The following UNC13B variants were observed in gnomAD, a reference collection of about 807,000 sequenced individuals.
The protein encoded by UNC13B is unc-13 homolog B.
Under a neutral mutation model 211.0 loss-of-function variants are expected in UNC13B, and 144 were observed. The ratio of observed to expected loss-of-function variants is 0.68; its 90% CI spans 0.60 to 0.78. UNC13B has a LOEUF of 0.78. UNC13B is among the 30% of genes least tolerant of loss of function. The pLI is 0.00. For synonymous variants in UNC13B, 709 were observed against 725.8 expected (o/e 0.98, Z 0.37); for missense variants, 1,777 against 2,002.0 (o/e 0.89, Z 2.14).
chr9:35,162,786 A>G (rs1454872909), intron 1 of UNC13B, among the ~76,000 whole-genome samples: 1 of 152,186 alleles, frequency 6.6e-6, no homozygotes, highest in African/African-American at 2.4e-5. Flanking sequence ...CACTTCCCTG[A>G]ACACTAACCG....
intron 7 of UNC13B, among the ~76,000 whole-genome samples, chr9:35,261,061 C>G (rs1218055393): frequency 2.6e-5 from 4 of 152,172 alleles, no homozygotes; most frequent in African/African-American, 9.6e-5. Context: ...TTTGCCTGCT[C>G]CCTCGTATAT....
chr9:35,304,510 C>G lies in UNC13B; in HGVS notation c.5106C>G (p.Asn1702Lys). Residue 1702 changes from asparagine to lysine, a missense_variant, in exon 9 of 40, where the codon AAC becomes AAG. Coordinates refer to ENST00000635942, the MANE Select transcript of UNC13B (RefSeq NM_001371189.2). ...SRDQIIERDK[N>K]QPLAEDSSVH... ...ATCAAATTATAGAGAGAGATAAAAA[C>G]CAGCCTCTAGCTGAAGATTCATCAG... The G allele has an allele frequency of 2.5e-6, 1 of 398,732 alleles. No individual in the cohort carries two copies. The highest frequency in any genetic ancestry group is 4.4e-5 in the Admixed American group (1 of 22,688). 24.7% of individuals were successfully genotyped at this position (398,732 alleles called of 1,614,324 possible).
intron 1 of UNC13B, among the ~76,000 whole-genome samples, chr9:35,200,265 A>G (rs1211578786): frequency 6.6e-6 from 1 of 152,222 alleles, no homozygotes; most frequent in Non-Finnish European, 1.5e-5. Context: ...GAAGTCAGGT[A>G]GCATGATGCC....
intron 7 of UNC13B, among the ~76,000 whole-genome samples, chr9:35,286,125 T>C (rs1828777309): frequency 6.6e-6 from 1 of 152,122 alleles, no homozygotes; most frequent in Non-Finnish European, 1.5e-5. Flanking sequence ...TAGAATTTTA[T>C]GGATACTAGG....
At position 35,307,366 on chromosome 9, in the gene UNC13B, G is replaced by A. The variant is rs1169891263; in HGVS notation, c.7962G>A (p.Gln2654=). ...CAGAGAACTTTGCGCTGCCAGCACA[G>A]TTGCATCCAGATCCTACCTGCATTG... ...LEAENFALPA[Q]LHPDPTCIAE... The change falls in exon 9 of 40, where the codon CAG becomes CAA. Residue 2654 remains glutamine, a synonymous_variant. Coordinates refer to ENST00000635942, the MANE Select transcript of UNC13B (RefSeq NM_001371189.2). The A allele has an allele frequency of 2.5e-6, 1 of 398,870 alleles. No individual in the cohort carries two copies. Among genetic ancestry groups the A allele is most frequent in the Non-Finnish European group, 4.4e-6 (1 of 226,096 alleles). The allele number at this position is 398,870 out of a possible 1,614,324, so 24.7% of individuals were successfully genotyped here.
At chr9:35,183,294 A>G (rs1822080409) in intron 1 of UNC13B, among the ~76,000 whole-genome samples, 1 of 104,342 alleles carries the variant, frequency 9.6e-6, no homozygotes, top group African/African-American at 3.8e-5. Context: ...GGCCGGGCAG[A>G]GGCGCCCCTC....
At chr9:35,220,708 G>A (rs1824522441) in intron 1 of UNC13B, among the ~76,000 whole-genome samples, 1 of 152,122 alleles carries the variant, frequency 6.6e-6, no homozygotes, top group African/African-American at 2.4e-5. Flanking sequence ...CTTGGCTATT[G>A]TGAAATGGTG....
intron 7 of UNC13B, among the ~76,000 whole-genome samples, chr9:35,286,807 G>T (rs180976922): frequency 6.6e-6 from 1 of 152,248 alleles, no homozygotes; most frequent in African/African-American, 2.4e-5. Flanking sequence ...ACACATCCGT[G>T]TGCTGGGAGG....
intron 6 of UNC13B, among the ~76,000 whole-genome samples, chr9:35,246,198 G>GT (rs907437315): frequency 6.7e-5 from 10 of 148,632 alleles, no homozygotes; most frequent in African/African-American, 7.4e-5. Context: ...TGATGGGGTT[G>GT]TTTTTTTTTT....
At chr9:35,195,471 C>T (rs755618913) in intron 1 of UNC13B, among the ~76,000 whole-genome samples, 2 of 116,662 alleles carry the variant, frequency 1.7e-5, no homozygotes, top group Non-Finnish European at 3.5e-5. Context: ...TCAGGACCTC[C>T]TGAGGCTGTG....
intron 7 of UNC13B, among the ~76,000 whole-genome samples, chr9:35,283,039 G>A (rs1651448028): frequency 6.6e-6 from 1 of 152,038 alleles, no homozygotes; most frequent in African/African-American, 2.4e-5. Context: ...GTAGACATTT[G>A]GATTGTTCCC....
chr9:35,328,620 C>A (rs1831158228), intron 11 of UNC13B, among the ~76,000 whole-genome samples: 1 of 110,888 alleles, frequency 9.0e-6, no homozygotes, highest in South Asian at 3.4e-4. Flanking sequence ...TCCTTCCTTC[C>A]TTCCTTCCTT....
chr9:35,173,615 G>A (rs1821450151), intron 1 of UNC13B, among the ~76,000 whole-genome samples: 1 of 151,940 alleles, frequency 6.6e-6, no homozygotes, highest in South Asian at 2.1e-4. Flanking sequence ...GTAGAGATGG[G>A]GTTTCACCGT....
chr9:35,229,091 A>G (rs1211839827), intron 2 of UNC13B, among the ~76,000 whole-genome samples: 1 of 152,164 alleles, frequency 6.6e-6, no homozygotes, highest in African/African-American at 2.4e-5. Context: ...TCAACATTTG[A>G]TATGAAACTT....
chr9:35,397,742 AAG>A, intron 30 of UNC13B, 30 bp downstream of exon 30: 12 of 1,608,532 alleles, frequency 7.5e-6, no homozygotes, highest in Non-Finnish European at 1.0e-5. Context: ...CTCTTACAGA[AAG>A]AGAGTGGAAG....
rs1383009393 is a variant in UNC13B at position 35,305,456 on chromosome 9, A to G, written c.6052A>G (p.Thr2018Ala). Residue 2018 changes from threonine to alanine, a missense_variant, in exon 9 of 40, where the codon ACT (threonine) becomes GCT (alanine). Thr to Ala is a moderately conservative substitution (Grantham distance 58, BLOSUM62 0). Transcript: ENST00000635942. ...TAAGGATGAGGTCAGGTCAAGTCCT[A>G]CTCCTATGGAGCTAGCTAGCCAGGG... Reference protein sequence around the residue: ...TIKDEVRSSPTPMELASQGAG... With the variant: ...TIKDEVRSSPAPMELASQGAG... 2 of 398,768 alleles carry G rather than the reference A, an allele frequency of 5.0e-6. No individual in the cohort carries two copies. The highest frequency in any genetic ancestry group is 8.8e-6 in the Non-Finnish European group (2 of 226,002). The allele number at this position is 398,768 out of a possible 1,614,324, so 24.7% of individuals were successfully genotyped here. A position where few individuals can be genotyped will look rare whatever the true frequency, so the allele number is the denominator to read the frequency against.
chr9:35,401,324 G>A (rs1185332784), intron 37 of UNC13B, among the ~76,000 whole-genome samples: 1 of 152,182 alleles, frequency 6.6e-6, no homozygotes, highest in Admixed American at 6.5e-5. Flanking sequence ...GAAAATGGAA[G>A]GGACCGAAAG....
intron 8 of UNC13B, among the ~76,000 whole-genome samples, chr9:35,297,597 C>T (rs1389706958): frequency 7.7e-5 from 10 of 129,808 alleles, no homozygotes. Flanking sequence ...TCGCCCAGGC[C>T]GGACTGCAGT....
intron 7 of UNC13B, among the ~76,000 whole-genome samples, chr9:35,283,288 G>A (rs1828612444): frequency 6.6e-6 from 1 of 152,122 alleles, no homozygotes; most frequent in East Asian, 1.9e-4. Context: ...GCTTATCTGT[G>A]TATCCATAGT....
Sources: gnomAD v4.1 joint callset for allele counts (sites outside exome capture counted in the v4.1 genomes callset) on GRCh38, gnomAD v4.1.1 for gene constraint, MANE v1.5 for transcripts, NCBI Gene and HGNC (gene_info 2026-07-23, HGNC 2026-07-21) for gene names.